ARHGEF28: variants seen among roughly 807,000 people sequenced by gnomAD.
The protein encoded by ARHGEF28 is 190 kDa guanine nucleotide exchange factor.
In ARHGEF28, 152 loss-of-function variants were observed where a neutral mutation model predicts 206.6. The ratio of observed to expected loss-of-function variants is 0.74; its 90% confidence interval spans 0.64 to 0.84. The LOEUF (loss-of-function observed/expected upper bound fraction) is 0.84. Ranked by LOEUF, ARHGEF28 falls within the 40% of genes least tolerant of loss-of-function variation. ARHGEF28 has a pLI of 0.00. For synonymous variants in ARHGEF28, 763 were observed against 776.4 expected (o/e 0.98, Z 0.29); for missense variants, 2,028 against 2,073.2 (o/e 0.98, Z 0.42).
At chr5:73,652,921 A>G (rs1385079480) in intron 1 of ARHGEF28, among the ~76,000 whole-genome samples, 2 of 152,302 alleles carry the variant, frequency 1.3e-5, no homozygotes, top group East Asian at 3.9e-4. Context: ...GTGATGCCTC[A>G]GGGTGCAAGG....
intron 1 of ARHGEF28, among the ~76,000 whole-genome samples, chr5:73,645,872 C>G (rs946284639): frequency 2.0e-5 from 3 of 151,946 alleles, no homozygotes; most frequent in Non-Finnish European, 4.4e-5. Flanking sequence ...CCCCTCCTCC[C>G]CTTCCTCTTG....
chr5:73,892,311 A>C, intron 27 of ARHGEF28, 81 bp downstream of exon 27: 3 of 1,465,178 alleles, frequency 2.0e-6, no homozygotes, highest in Non-Finnish European at 2.7e-6. Context: ...TTCCTGCATG[A>C]AAACTTTGCC....
intron 9 of ARHGEF28, among the ~76,000 whole-genome samples, chr5:73,820,981 G>A (rs549058748): frequency 6.6e-6 from 1 of 152,274 alleles, no homozygotes; most frequent in African/African-American, 2.4e-5. Context: ...GACCCTCAGA[G>A]TAGCCCATAG....
chr5:73,720,050 C>T (rs185775510), intron 2 of ARHGEF28, among the ~76,000 whole-genome samples: 103 of 152,074 alleles, frequency 6.8e-4, no homozygotes, highest in Middle Eastern at 3.4e-3. Flanking sequence ...GCCGCAGAGG[C>T]GAATAGTAAA....
chr5:73,883,146 A>G (rs909065668), intron 23 of ARHGEF28, among the ~76,000 whole-genome samples: 2 of 152,090 alleles, frequency 1.3e-5, no homozygotes, highest in Non-Finnish European at 2.9e-5. Flanking sequence ...ATCTCTTTTC[A>G]TTTGAATGTT....
At chr5:73,882,664 A>G in intron 23 of ARHGEF28, 70 bp downstream of exon 23, 1 of 1,332,062 alleles carries the variant, frequency 7.5e-7, no homozygotes, top group South Asian at 1.6e-5. Context: ...TTGTTTCTTA[A>G]TGATTTAAAC....
At chr5:73,795,453 C>T in intron 9 of ARHGEF28, 62 bp downstream of exon 9, 1 of 1,361,588 alleles carries the variant, frequency 7.3e-7, no homozygotes, top group Non-Finnish European at 1.0e-6. Context: ...TTAGAGTGGA[C>T]AAGAAGCAAG....
intron 35 of ARHGEF28, chr5:73,923,093 G>A: frequency 1.3e-6 from 2 of 1,535,660 alleles, no homozygotes; most frequent in East Asian, 2.4e-5. Flanking sequence ...TCAGGCTCCA[G>A]TATGACAAAG....
chr5:73,852,142 C>T (rs887549681), intron 13 of ARHGEF28, among the ~76,000 whole-genome samples: 5 of 152,200 alleles, frequency 3.3e-5, no homozygotes, highest in African/African-American at 1.2e-4. Flanking sequence ...CTCCCTTTCC[C>T]ATGAGCCACA....
chr5:73,667,360 C>T (rs1032123820), intron 1 of ARHGEF28, among the ~76,000 whole-genome samples: 6 of 151,178 alleles, frequency 4.0e-5, no homozygotes, highest in African/African-American at 1.5e-4. Flanking sequence ...CCTGGTATAA[C>T]TAAGGAGTGC....
chr5:73,786,664 G>T (rs573727937), intron 7 of ARHGEF28, among the ~76,000 whole-genome samples: 48 of 152,288 alleles, frequency 3.2e-4, no homozygotes, highest in Non-Finnish European at 5.7e-4. Context: ...TGATTAGGCT[G>T]TTTGCTTTTG....
At chr5:73,840,814 T>G in intron 11 of ARHGEF28, 54 bp downstream of exon 11, 2 of 1,502,772 alleles carry the variant, frequency 1.3e-6, no homozygotes, top group Non-Finnish European at 1.8e-6. Flanking sequence ...ACCTTATAGG[T>G]AGACTTCAAA....
At chr5:73,914,475 C>A (rs1763094943) in intron 35 of ARHGEF28, among the ~76,000 whole-genome samples, 1 of 148,754 alleles carries the variant, frequency 6.7e-6, no homozygotes, top group East Asian at 2.0e-4. Flanking sequence ...TGGCTCACTG[C>A]AACCTCCACC....
At chr5:73,813,455 G>C (rs1424600209) in intron 9 of ARHGEF28, 1 of 1,446,038 alleles carries the variant, frequency 6.9e-7, no homozygotes, top group East Asian at 2.5e-5. Context: ...CCTCCCTGGT[G>C]TGCAGGAGCT....
chr5:73,921,189 T>C (rs1763504274), intron 35 of ARHGEF28, among the ~76,000 whole-genome samples: 1 of 152,224 alleles, frequency 6.6e-6, no homozygotes, highest in East Asian at 1.9e-4. Flanking sequence ...AAATGTTGCC[T>C]GAAACATCAA....
intron 1 of ARHGEF28, among the ~76,000 whole-genome samples, chr5:73,659,119 T>C (rs909678308): frequency 1.3e-5 from 2 of 152,154 alleles, no homozygotes; most frequent in Admixed American, 1.3e-4. Context: ...GTCAGTGTTC[T>C]GAATCAAGGT....
chr5:73,793,531 A>G (rs1004619238), intron 7 of ARHGEF28, among the ~76,000 whole-genome samples: 1 of 152,222 alleles, frequency 6.6e-6, no homozygotes, highest in African/African-American at 2.4e-5. Context: ...CCCCAGGATT[A>G]GCATAAAGCA....
chr5:73,806,509 ATATATAGTATG>A (rs1433418255), intron 9 of ARHGEF28, among the ~76,000 whole-genome samples: 1 of 119,196 alleles, frequency 8.4e-6, no homozygotes, highest in Non-Finnish European at 1.7e-5. Flanking sequence ...GTATATATCT[ATATATAGTATG>A]TATATAGTAT....
At chr5:73,661,346 G>A (rs1745588248) in intron 1 of ARHGEF28, among the ~76,000 whole-genome samples, 1 of 152,140 alleles carries the variant, frequency 6.6e-6, no homozygotes, top group Non-Finnish European at 1.5e-5. Context: ...TTAAGGGAAT[G>A]TTGTATCTAG....
Sources: allele counts gnomAD v4.1 joint callset (sites outside exome capture counted in the v4.1 genomes callset), GRCh38; gene constraint gnomAD v4.1.1; transcripts MANE v1.5; gene names NCBI Gene and HGNC (gene_info 2026-07-23, HGNC 2026-07-21).